The following PICALM variants were observed in gnomAD, a reference collection of about 807,000 sequenced individuals.
PICALM encodes the protein phosphatidylinositol binding clathrin assembly protein, also known as phosphatidylinositol-binding clathrin assembly protein.
Under a neutral mutation model 80.5 loss-of-function variants are expected in PICALM, and 40 were observed. That is an observed-to-expected ratio of 0.50 (90% confidence interval 0.39 to 0.65). The LOEUF (loss-of-function observed/expected upper bound fraction) is 0.65. Among genes scored for constraint, PICALM ranks in the 30% least tolerant of loss-of-function variants. The pLI is 0.00. For synonymous variants in PICALM, 288 were observed against 260.3 expected (o/e 1.11, Z -1.02); for missense variants, 676 against 778.9 (o/e 0.87, Z 1.57).
intron 16 of PICALM, 82 bp downstream of exon 16, chr11:85,981,663 A>T: frequency 9.4e-7 from 1 of 1,060,504 alleles, no homozygotes; most frequent in Non-Finnish European, 1.4e-6. Context: ...TTGAGAGGAA[A>T]GCCAAATCAA....
intron 19 of PICALM, among the ~76,000 whole-genome samples, chr11:85,968,412 A>G (rs1284284414): frequency 4.6e-5 from 7 of 152,212 alleles, no homozygotes; most frequent in Non-Finnish European, 8.8e-5. Context: ...AGGCAGATTG[A>G]TATGTGATCA....
At chr11:86,060,993 T>C (rs1267732071) in intron 1 of PICALM, among the ~76,000 whole-genome samples, 1 of 152,098 alleles carries the variant, frequency 6.6e-6, no homozygotes, top group Non-Finnish European at 1.5e-5. Context: ...GTCAAGAGAA[T>C]GAAAAAGACA....
chr11:86,037,180 G>A (rs2095856677), intron 1 of PICALM, among the ~76,000 whole-genome samples: 1 of 149,456 alleles, frequency 6.7e-6, no homozygotes, highest in South Asian at 2.1e-4. Flanking sequence ...TCTTGATCTC[G>A]TGATCTACCC....
At chr11:85,982,033 T>C in intron 14 of PICALM, 30 bp from the exon 15 acceptor site, 1 of 1,607,060 alleles carries the variant, frequency 6.2e-7, no homozygotes, top group Non-Finnish European at 8.5e-7. Context: ...GAAATAGAAT[T>C]TGTAAGGAAC....
rs1340504213 is a variant in PICALM at position 85,983,812 on chromosome 11, A to G, written c.1516+54T>C. ...TAAAAGCAGCATTATTTTTCCTTACACAGAATCTAAATTAGGACATTATAA... is the reference window on the plus strand; with the variant it reads ...TAAAAGCAGCATTATTTTTCCTTACGCAGAATCTAAATTAGGACATTATAA... On this transcript the variant is annotated intron_variant, in intron 14 of 19. Transcript: ENST00000393346. The G allele has an allele frequency of 3.0e-5, 22 of 733,366 alleles. No homozygotes were observed. In the East Asian group the frequency reaches 5.7e-4, roughly 19 times the overall value. 45.4% of individuals were successfully genotyped at this position (733,366 alleles called of 1,614,324 possible).
chr11:86,003,227 G>T, intron 9 of PICALM, 139 bp downstream of exon 9: 1 of 507,950 alleles, frequency 2.0e-6, no homozygotes, highest in Non-Finnish European at 3.6e-6. Context: ...ATTCTATGAG[G>T]CTGATATTAT....
Position 85,981,846 on chromosome 11 carries a change from G to A in PICALM, c.1648+26C>T, listed in dbSNP as rs747737013. 2.5e-6 allele frequency: 4 copies of A among 1,612,234 alleles called. No homozygotes were observed. The African/African-American group carries it at 4.0e-5, about 16-fold the overall frequency. The stretch of plus-strand genomic sequence containing the variant: ...AGTTTAATAAAACAACATAAAAGAA[G>A]ATTAACGTATCCAAAGACTACTTAC... On this transcript the variant is annotated intron_variant, in intron 15 of 19. Coordinates refer to ENST00000393346, the MANE Select transcript of PICALM (RefSeq NM_007166.4).
At chr11:86,004,858 A>G (rs908168233) in intron 8 of PICALM, among the ~76,000 whole-genome samples, 2 of 152,218 alleles carry the variant, frequency 1.3e-5, no homozygotes, top group Non-Finnish European at 2.9e-5. Context: ...CAAATACTAC[A>G]TTGGAAGATG....
chr11:86,058,333 T>C (rs1487012608), intron 1 of PICALM, among the ~76,000 whole-genome samples: 3 of 152,154 alleles, frequency 2.0e-5, no homozygotes, highest in African/African-American at 7.2e-5. Flanking sequence ...AATATGACAA[T>C]TGAGTATATT....
intron 8 of PICALM, among the ~76,000 whole-genome samples, chr11:86,006,843 TTGA>T (rs879850568): frequency 6.6e-6 from 1 of 152,138 alleles, no homozygotes; most frequent in South Asian, 2.1e-4. Flanking sequence ...AGAAAATTTT[TTGA>T]TGATGATGAT....
At chr11:86,030,015 A>G (rs2095720624) in intron 2 of PICALM, among the ~76,000 whole-genome samples, 1 of 152,172 alleles carries the variant, frequency 6.6e-6, no homozygotes, top group East Asian at 1.9e-4. Context: ...AAATCACTCA[A>G]TGTGGTGGTA....
At position 86,039,819 on chromosome 11, in the gene PICALM, CG is replaced by C. The variant is rs201464960; in HGVS notation, c.131-8209del. Among the ~76,000 whole-genome samples the C allele has an allele frequency of 6.8e-3, 1,037 of 151,788 alleles. 22 individuals are homozygous for C. In the East Asian group the frequency reaches 0.092, roughly 14 times the overall value. ...GAGAGCGAGACCATCCTGGCTAACA[CG>C]GTGAAATCCCATCTCTACTAAAAAT... On this transcript the variant is annotated intron_variant, in intron 1 of 19. Coordinates refer to ENST00000393346, the MANE Select transcript of PICALM (RefSeq NM_007166.4).
Position 85,990,392 on chromosome 11 carries a change from G to A in PICALM, c.1266C>T (p.Phe422=), listed in dbSNP as rs1301862511. ...CATCAACAGCATCTACAGTAGCAGA[G>A]AAAGGATCTGTGCAGTCCAAATGTA... The part of the protein sequence containing the change: ...SQVASTWGDP[F]SATVDAVDDA... The change falls in exon 13 of 20, where the codon TTC becomes TTT. Residue 422 remains phenylalanine (F), a synonymous_variant. Coordinates refer to ENST00000393346, the MANE Select transcript of PICALM (RefSeq NM_007166.4). The A allele has an allele frequency of 6.2e-7, 1 of 1,602,242 alleles. No individual in the cohort carries two copies. The highest frequency in any genetic ancestry group is 8.5e-7 in the Non-Finnish European group (1 of 1,171,036).
chr11:86,013,925 T>C (rs577355057), intron 5 of PICALM, among the ~76,000 whole-genome samples: 1 of 152,300 alleles, frequency 6.6e-6, no homozygotes, highest in South Asian at 2.1e-4. Context: ...AATAATACTA[T>C]TGAGGACACT....
chr11:85,987,903 A>T (rs1248744779), intron 13 of PICALM, among the ~76,000 whole-genome samples: 2 of 152,250 alleles, frequency 1.3e-5, no homozygotes, highest in African/African-American at 2.4e-5. Context: ...GCATAGCCTT[A>T]AAAAGGTTAA....
chr11:86,046,057 A>G (rs949211039), intron 1 of PICALM, among the ~76,000 whole-genome samples: 1 of 152,210 alleles, frequency 6.6e-6, no homozygotes, highest in Non-Finnish European at 1.5e-5. Flanking sequence ...TTTCTACAAG[A>G]TATTTCATTA....
At chr11:86,042,484 C>T (rs1438464107) in intron 1 of PICALM, among the ~76,000 whole-genome samples, 1 of 152,000 alleles carries the variant, frequency 6.6e-6, no homozygotes, top group Non-Finnish European at 1.5e-5. Flanking sequence ...GTATAAATTA[C>T]ATTCTCTTCT....
In PICALM at chr11:85,957,234, C is replaced by T. The variant is rs928426363; in HGVS notation, c.*1812G>A. Among the ~76,000 whole-genome samples the T allele has an allele frequency of 5.3e-5, 8 of 152,154 alleles. No individual in the cohort carries two copies. Among genetic ancestry groups the T allele is most frequent in the African/African-American group, 1.4e-4 (6 of 41,444 alleles). On this transcript the variant is annotated 3_prime_UTR_variant, in exon 20 of 20. Transcript: ENST00000393346. ...AAAAGCTGATAAAATTTATTGGCTA[C>T]GACTACATTTTTTCTCCAATCACAG...
intron 1 of PICALM, among the ~76,000 whole-genome samples, chr11:86,049,858 C>T (rs1000416755): frequency 2.0e-5 from 3 of 151,084 alleles, no homozygotes; most frequent in Admixed American, 6.6e-5. Flanking sequence ...ACAATTAAAA[C>T]GAGTTTGCTA....
Sources: gnomAD v4.1 joint callset for allele counts (sites outside exome capture counted in the v4.1 genomes callset) on GRCh38, gnomAD v4.1.1 for gene constraint, MANE v1.5 for transcripts, NCBI Gene and HGNC (gene_info 2026-07-23, HGNC 2026-07-21) for gene names.